Variants in KCNMB3 observed in about 807,000 individuals in gnomAD.
KCNMB3 encodes the protein calcium-activated potassium channel subunit beta-3.
Under a neutral mutation model 11.9 loss-of-function variants are expected in KCNMB3, and 18 were observed. The observed-to-expected ratio is 1.51, with a 90% CI of 1.04 to 2.23. KCNMB3 has a LOEUF of 2.23. Ranked by LOEUF, KCNMB3 falls within the 30% of genes most tolerant of loss-of-function variation. The probability of loss-of-function intolerance (pLI) is 0.00; values close to 1 mark genes in which losing one functional copy is unlikely to be tolerated. For synonymous variants in KCNMB3, 78 were observed against 119.2 expected (o/e 0.65, Z 2.25); for missense variants, 247 against 329.4 (o/e 0.75, Z 1.94).
chr3:179,253,058 CAGAT>C (rs995817198), upstream of KCNMB3, among the ~76,000 whole-genome samples: 3 of 152,214 alleles, frequency 2.0e-5, no homozygotes, highest in Admixed American at 6.5e-5. Flanking sequence ...ATAAATATGA[CAGAT>C]TGATTAAAAG....
chr3:179,262,401 C>T (rs569593126), intron 1 of KCNMB3, among the ~76,000 whole-genome samples: 2 of 152,242 alleles, frequency 1.3e-5, no homozygotes, highest in South Asian at 2.1e-4. Flanking sequence ...TCATTCCTCC[C>T]GATGGGTTCG....
At chr3:179,263,108 C>T (rs899349777) in intron 1 of KCNMB3, among the ~76,000 whole-genome samples, 1 of 152,214 alleles carries the variant, frequency 6.6e-6, no homozygotes, top group Non-Finnish European at 1.5e-5. Context: ...CAGGGGGCAG[C>T]GCTCATCAGG....
upstream of KCNMB3, among the ~76,000 whole-genome samples, chr3:179,253,752 G>A (rs1472462869): frequency 2.0e-5 from 3 of 151,960 alleles, no homozygotes; most frequent in East Asian, 5.8e-4. Flanking sequence ...GTTGCAGTGA[G>A]CCAAGATCAT....
intron 1 of KCNMB3, 43 bp from the exon 2 acceptor site, chr3:179,244,736 A>C: frequency 2.6e-6 from 4 of 1,541,442 alleles, no homozygotes; most frequent in Non-Finnish European, 3.6e-6. Context: ...TTATTAGAAA[A>C]TTTCATTCTA....
intron 1 of KCNMB3, chr3:179,259,718 C>T: frequency 6.3e-7 from 1 of 1,582,696 alleles, no homozygotes; most frequent in Non-Finnish European, 8.5e-7. Flanking sequence ...TTTTCCTCTT[C>T]TTTTTCTTTT....
intron 1 of KCNMB3, among the ~76,000 whole-genome samples, chr3:179,250,116 G>T (rs769633462): frequency 1.6e-4 from 24 of 152,210 alleles, no homozygotes; most frequent in African/African-American, 5.8e-4. Context: ...CATCATAAAG[G>T]TCCTCTCCCT....
chr3:179,259,812 G>C (rs1726145496), intron 1 of KCNMB3: 1 of 1,603,774 alleles, frequency 6.2e-7, no homozygotes, highest in Non-Finnish European at 8.5e-7. Flanking sequence ...CATATCTGAG[G>C]GTTCACTTTG....
At chr3:179,264,840 G>A (rs1417952798) in intron 1 of KCNMB3, among the ~76,000 whole-genome samples, 3 of 152,134 alleles carry the variant, frequency 2.0e-5, no homozygotes, top group African/African-American at 7.2e-5. Context: ...ATATTTCCCT[G>A]TAATTCGTTT....
chr3:179,242,959 T>C lies in KCNMB3; in HGVS notation c.773A>G (p.His258Arg). The C allele has an allele frequency of 1.9e-6, 3 of 1,608,308 alleles. No homozygotes were observed. The highest frequency in any genetic ancestry group is 1.4e-5 in the African/African-American group (1 of 73,852). Residue 258 changes from histidine to arginine, a missense_variant, in exon 3 of 3, where the codon CAT (histidine) becomes CGT (arginine). His to Arg is a conservative substitution (Grantham distance 29). Coordinates refer to ENST00000392685, the MANE Select transcript of KCNMB3 (RefSeq NM_171830.2). ...CCTCATAATGCACAGTTTGAACTGA[T>C]GCTGTTCTATATAAGGTACTTTTCC... ...VGGKVPYIEQ[H>R]QFKLCIMRRS...
intron 1 of KCNMB3, among the ~76,000 whole-genome samples, chr3:179,257,821 T>C (rs1466407616): frequency 6.6e-6 from 1 of 152,118 alleles, no homozygotes; most frequent in African/African-American, 2.4e-5. Flanking sequence ...CAAGCGATCC[T>C]CCAAACTTGG....
At chr3:179,243,632 CCTCA>C (rs1380211733) in intron 2 of KCNMB3, among the ~76,000 whole-genome samples, 1 of 152,192 alleles carries the variant, frequency 6.6e-6, no homozygotes, top group Non-Finnish European at 1.5e-5. Context: ...ATGTATTGGG[CCTCA>C]CTATGAGCTT....
chr3:179,254,550 C>T (rs565467755), upstream of KCNMB3, among the ~76,000 whole-genome samples: 15 of 152,286 alleles, frequency 9.8e-5, no homozygotes, highest in South Asian at 1.5e-3. Context: ...ATGGCTCACG[C>T]CTGTAATCCC....
Position 179,243,267 on chromosome 3 carries a change from C to T in KCNMB3, c.465G>A (p.Lys155=), listed in dbSNP as rs376509606. Residue 155 remains lysine (K), a synonymous_variant, in exon 3 of 3, where the codon AAG becomes AAA. Coordinates refer to ENST00000392685, the MANE Select transcript of KCNMB3 (RefSeq NM_171830.2). Reference sequence around the variant, plus strand: ...GCAAATCATTTCTATCTTGGTGGCACTTAGGTGTGTAAAAGCACTAGGAAT... The same window carrying T: ...GCAAATCATTTCTATCTTGGTGGCATTTAGGTGTGTAAAAGCACTAGGAAT... ...QINPKCFYTP[K]CHQDRNDLLN... is the part of the protein sequence containing the mutation. 4.4e-5 allele frequency: 54 copies of T among 1,231,840 alleles called. No individual in the cohort carries two copies. The highest frequency in any genetic ancestry group is 6.1e-5 in the Non-Finnish European group (53 of 864,806). The allele number at this position is 1,231,840 out of a possible 1,614,324, so 76.3% of individuals were successfully genotyped here. A position where few individuals can be genotyped will look rare whatever the true frequency, so the allele number is the denominator to read the frequency against.
In KCNMB3 at chr3:179,243,112, A is replaced by G; in HGVS notation, c.620T>C (p.Phe207Ser). 6.5e-7 allele frequency: 1 copy of G among 1,545,572 alleles called. No individual in the cohort carries two copies. Among genetic ancestry groups the G allele is most frequent in the Non-Finnish European group, 8.8e-7 (1 of 1,138,638 alleles). The change falls in exon 3 of 3, where the codon TTC (phenylalanine) becomes TCC (serine). Residue 207 changes from phenylalanine to serine, a missense_variant. Transcript: ENST00000392685. ...CAGTGAAGGCCAAAATAAACAGTGG[A>G]AGATAGCCATTTGGTCATACTTTTT... ...LIKKYDQMAI[F>S]HCLFWPSLTL...
chr3:179,259,164 C>T, intron 1 of KCNMB3: 1 of 1,563,730 alleles, frequency 6.4e-7, no homozygotes, highest in Non-Finnish European at 8.6e-7. Flanking sequence ...TAAAGCTTTC[C>T]TGATGGTCTG....
In KCNMB3 at chr3:179,250,792, G is replaced by C. The variant is rs147573824; in HGVS notation, c.199C>G (p.Leu67Val). Reference sequence around the variant, plus strand: ...GTTGTTCCGAGCAAGAAGAACATTAGGACTGAGAAGCCCATCATGGCAAAC... The same window carrying C: ...GTTGTTCCGAGCAAGAAGAACATTACGACTGAGAAGCCCATCATGGCAAAC... ...LGFAMMGFSV[L>V]MFFLLGTTIL... is the part of the protein sequence containing the mutation. Residue 67 changes from leucine (L) to valine (V), a missense_variant, in exon 1 of 3, where the codon CTA becomes GTA. By Grantham distance (32) the Leu-to-Val change is conservative (BLOSUM62 1). Coordinates refer to ENST00000392685, the MANE Select transcript of KCNMB3 (RefSeq NM_171830.2). The C allele has an allele frequency of 1.9e-6, 3 of 1,614,054 alleles. No homozygotes were observed. The African/African-American group carries it at 4.0e-5, about 22-fold the overall frequency.
chr3:179,245,266 C>T (rs997690906), intron 1 of KCNMB3, among the ~76,000 whole-genome samples: 1 of 151,824 alleles, frequency 6.6e-6, no homozygotes, highest in Non-Finnish European at 1.5e-5. Context: ...ACTACAGGGC[C>T]GTTGGTCAAC....
Position 179,257,702 on chromosome 3 carries a change from T to A in KCNMB3, c.63-6768A>T, listed in dbSNP as rs748341619. Among the ~76,000 whole-genome samples, 23 of 152,332 alleles carry A rather than the reference T, an allele frequency of 1.5e-4. 1 individual carries two copies. The highest frequency in any genetic ancestry group is 1.4e-3 in the South Asian group (7 of 4,830). ...AAATTCAAACAAAGAGAAGTAATTT[T>A]AAGGTTCAAAAACTTTTTCTTTTTT... On this transcript the variant is annotated intron_variant, in intron 1 of 3. Transcript: ENST00000349697.
chr3:179,251,493 C>T (rs1725841928), upstream of KCNMB3: 1 of 1,389,948 alleles, frequency 7.2e-7, no homozygotes, highest in Non-Finnish European at 9.3e-7. Context: ...TCCTCTCACC[C>T]TCCTTCTCCT....
Sources: gnomAD v4.1 joint callset for allele counts (sites outside exome capture counted in the v4.1 genomes callset) on GRCh38, gnomAD v4.1.1 for gene constraint, MANE v1.5 for transcripts, NCBI Gene and HGNC (gene_info 2026-07-23, HGNC 2026-07-21) for gene names.